The following SHOC1 variants were observed in gnomAD, a reference collection of about 807,000 sequenced individuals.
SHOC1 encodes the protein protein shortage in chiasmata 1 ortholog.
SHOC1 carries 136 observed loss-of-function variants against 179.2 expected under a neutral mutation model. The ratio of observed to expected loss-of-function variants is 0.76; its 90% CI spans 0.66 to 0.87. The LOEUF (loss-of-function observed/expected upper bound fraction) is 0.87, where lower values mean the gene tolerates loss of function less well. SHOC1 is among the 40% of genes least tolerant of loss of function. SHOC1 has a pLI of 0.00. For missense variants in SHOC1, 1,538 were observed against 1,700.8 expected (o/e 0.90, Z 1.68); for synonymous variants, 489 against 586.6 (o/e 0.83, Z 2.41).
At chr9:111,748,406 C>T (rs1158502798) in intron 8 of SHOC1, among the ~76,000 whole-genome samples, 1 of 152,040 alleles carries the variant, frequency 6.6e-6, no homozygotes, top group African/African-American at 2.4e-5. Context: ...CCTTGTTGCC[C>T]TTCAACTGTC....
intron 2 of SHOC1, among the ~76,000 whole-genome samples, chr9:111,787,544 A>G (rs1836304419): frequency 6.6e-6 from 1 of 152,216 alleles, no homozygotes; most frequent in African/African-American, 2.4e-5. Context: ...GTTGTGGTTG[A>G]ATTACTGCAA....
chr9:111,756,673 TTCTC>T (rs1365974260), intron 7 of SHOC1, among the ~76,000 whole-genome samples, 195 bp from the exon 8 acceptor site: 3 of 152,248 alleles, frequency 2.0e-5, no homozygotes, highest in Non-Finnish European at 4.4e-5. Context: ...ATAAGCAATG[TTCTC>T]TCTGAGTATT....
chr9:111,694,857 A>G (rs1831618472), intron 24 of SHOC1, among the ~76,000 whole-genome samples: 1 of 152,130 alleles, frequency 6.6e-6, no homozygotes, highest in Non-Finnish European at 1.5e-5. Flanking sequence ...GTTTTGATTT[A>G]GAGTAGTCAT....
intron 11 of SHOC1, among the ~76,000 whole-genome samples, chr9:111,738,970 T>C (rs1833923569): frequency 6.6e-6 from 1 of 152,080 alleles, no homozygotes; most frequent in African/African-American, 2.4e-5. Flanking sequence ...GGTACAGCGC[T>C]TACTGCCTCA....
At position 111,691,636 on chromosome 9, in the gene SHOC1, A is replaced by C. The variant is rs761680928; in HGVS notation, c.4341T>G (p.Tyr1447Ter). 2 of 1,613,982 alleles carry C rather than the reference A, an allele frequency of 1.2e-6. No homozygotes were observed. The highest frequency in any genetic ancestry group is 3.3e-5 in the Admixed American group (2 of 60,002). ...NANQKEFNSL[Y>*]FYQRAGKSLG... Reference sequence around the variant, plus strand: ...AACTTTTTCCAGCTCTTTGGTAGAAATAAAGGCTGTTGAATTCTTTTTGAT... The same window carrying C: ...AACTTTTTCCAGCTCTTTGGTAGAACTAAAGGCTGTTGAATTCTTTTTGAT... Residue 1447 changes from tyrosine to a stop codon, truncating the protein, a stop_gained, in exon 27 of 28, where the codon TAT becomes TAG. Transcript: ENST00000682961. LOFTEE classifies it high-confidence loss of function.
At chr9:111,712,745 T>C (rs1832610340) in intron 18 of SHOC1, among the ~76,000 whole-genome samples, 1 of 152,228 alleles carries the variant, frequency 6.6e-6, no homozygotes. Context: ...AGATTTGGCA[T>C]GCTACATCAC....
intron 4 of SHOC1, among the ~76,000 whole-genome samples, chr9:111,779,235 T>C (rs1480909684): frequency 6.6e-6 from 1 of 152,138 alleles, no homozygotes; most frequent in African/African-American, 2.4e-5. Context: ...ATGATTCCAC[T>C]TATGTGAAAT....
intron 5 of SHOC1, among the ~76,000 whole-genome samples, chr9:111,763,623 A>G (rs1028834198): frequency 6.6e-6 from 1 of 152,212 alleles, no homozygotes; most frequent in Non-Finnish European, 1.5e-5. Context: ...AAGATTAAAA[A>G]AAATTTACTA....
intron 5 of SHOC1, among the ~76,000 whole-genome samples, chr9:111,770,737 A>G (rs536445629): frequency 6.6e-6 from 1 of 152,240 alleles, no homozygotes; most frequent in East Asian, 1.9e-4. Context: ...GATATTTATA[A>G]TTGTTATACC....
intron 4 of SHOC1, 40 bp from the exon 5 acceptor site, chr9:111,776,015 T>C: frequency 1.3e-6 from 2 of 1,497,830 alleles, no homozygotes; most frequent in Non-Finnish European, 1.8e-6. Context: ...GTATGTCCTA[T>C]TTTAAAACAC....
At chr9:111,770,718 G>A (rs1430060776) in intron 5 of SHOC1, among the ~76,000 whole-genome samples, 1 of 152,084 alleles carries the variant, frequency 6.6e-6, no homozygotes, top group Non-Finnish European at 1.5e-5. Flanking sequence ...TTCTGGTGTT[G>A]TGTGCATAGA....
chr9:111,741,532 T>C lies in SHOC1; in HGVS notation c.1118A>G (p.Tyr373Cys), dbSNP rs1834040179. 6.2e-7 allele frequency: 1 copy of C among 1,611,688 alleles called. No individual in the cohort carries two copies. The highest frequency in any genetic ancestry group is 8.5e-7 in the Non-Finnish European group (1 of 1,178,770). ...LTAEESANEY[Y>C]MMWQLERCRS... Reference sequence around the variant, plus strand: ...ACATCTTTCTAATTGCCACATCATGTAGTATTCATTAGCTGATTCTTCAGC... The same window carrying C: ...ACATCTTTCTAATTGCCACATCATGCAGTATTCATTAGCTGATTCTTCAGC... Residue 373 changes from tyrosine to cysteine, a missense_variant, in exon 11 of 28, where the codon TAC becomes TGC. Physicochemically the swap from Tyr to Cys is radical, Grantham distance 194 (BLOSUM62 -2). Transcript: ENST00000682961.
In SHOC1 at chr9:111,756,495, T is replaced by A. The variant is rs768796216; in HGVS notation, c.709-17A>T. On this transcript the variant is annotated splice_polypyrimidine_tract_variant and intron_variant, in intron 7 of 27. Transcript: ENST00000682961. Reference sequence around the variant, plus strand: ...ACTTGACGGCTGAAAAAACATAGTTTAAAAAAGTTTTTAGAGAGGCTTTCC... The same window carrying A: ...ACTTGACGGCTGAAAAAACATAGTTAAAAAAAGTTTTTAGAGAGGCTTTCC... The A allele has an allele frequency of 4.4e-6, 7 of 1,578,146 alleles. No individual in the cohort carries two copies. The Admixed American group carries it at 1.4e-4, about 32-fold the overall frequency.
At chr9:111,731,082 C>T (rs1308846454) in intron 12 of SHOC1, among the ~76,000 whole-genome samples, 3 of 152,184 alleles carry the variant, frequency 2.0e-5, no homozygotes, top group African/African-American at 7.2e-5. Context: ...TCTCAGCCTT[C>T]ATAGAATCAA....
chr9:111,788,173 A>G (rs1836331790), intron 2 of SHOC1, among the ~76,000 whole-genome samples: 1 of 144,912 alleles, frequency 6.9e-6, no homozygotes, highest in African/African-American at 2.5e-5. Flanking sequence ...TTCAAGCTGC[A>G]CTCCAGCCTG....
At chr9:111,687,756 T>TTC (rs1491101681) in intron 27 of SHOC1, among the ~76,000 whole-genome samples, 1 of 29,538 alleles carries the variant, frequency 3.4e-5, no homozygotes, top group East Asian at 4.2e-3. Context: ...CTTCTTCTTC[T>TTC]TTTTTTTTTT....
chr9:111,782,520 GAAC>G (rs1377429006), intron 3 of SHOC1, among the ~76,000 whole-genome samples: 1 of 151,752 alleles, frequency 6.6e-6, no homozygotes, highest in African/African-American at 2.4e-5. Context: ...TACTAACTTA[GAAC>G]AACCCCTACT....
intron 14 of SHOC1, among the ~76,000 whole-genome samples, chr9:111,723,390 A>G (rs919473489): frequency 1.3e-5 from 2 of 152,224 alleles, no homozygotes; most frequent in Admixed American, 6.5e-5. Flanking sequence ...ACTCTTCTTT[A>G]TAGCATAACA....
chr9:111,758,223 T>G, intron 6 of SHOC1, 28 bp from the exon 7 acceptor site: 2 of 1,273,300 alleles, frequency 1.6e-6, no homozygotes, highest in Non-Finnish European at 2.2e-6. Flanking sequence ...TAATTAGTGT[T>G]TACTAAAAGC....
Sources: allele counts gnomAD v4.1 joint callset (sites outside exome capture counted in the v4.1 genomes callset), GRCh38; gene constraint gnomAD v4.1.1; transcripts MANE v1.5; gene names NCBI Gene and HGNC (gene_info 2026-07-23, HGNC 2026-07-21).